Variants in LIMA1 observed in about 807,000 individuals in gnomAD.
LIMA1 encodes LIM domain and actin-binding protein 1.
LIMA1 carries 52 observed loss-of-function variants against 62.6 expected under a neutral mutation model. That is an observed-to-expected ratio of 0.83 (90% CI 0.67 to 1.05). LIMA1 has a LOEUF of 1.05. Among genes scored for constraint, LIMA1 ranks in the 50% least tolerant of loss-of-function variants. The pLI, the probability that LIMA1 is intolerant of heterozygous loss-of-function variation, is 0.00. For synonymous variants in LIMA1, 302 were observed against 317.8 expected (o/e 0.95, Z 0.53); for missense variants, 780 against 902.2 (o/e 0.86, Z 1.74).
chr12:50,178,964 A>AT (rs555323460), intron 10 of LIMA1, among the ~76,000 whole-genome samples: 1,829 of 92,220 alleles, frequency 0.02, 33 homozygotes, highest in East Asian at 0.087. Context: ...ATATATATAT[A>AT]TATTTTTTTT....
Position 50,263,857 on chromosome 12 carries a change from GTAT to G in LIMA1, c.-23-15086_-23-15084del, listed in dbSNP as rs1219368858. Among the ~76,000 whole-genome samples the G allele has an allele frequency of 2.3e-3, 295 of 125,666 alleles. 2 individuals carry two copies. The highest frequency in any genetic ancestry group is 3.3e-3 in the Admixed American group (38 of 11,632). The allele number at this position is 125,666 out of a possible 152,430, so 82.4% of individuals were successfully genotyped here. ...GAGTATATATATATATATATAGAGA[GTAT>G]ATATATATATATATATAAAGTATAT... On this transcript the variant is annotated intron_variant, in intron 1 of 10. Transcript: ENST00000341247.
intron 5 of LIMA1, among the ~76,000 whole-genome samples, 190 bp from the exon 6 acceptor site, chr12:50,204,890 G>A (rs1161332990): frequency 2.0e-5 from 3 of 151,866 alleles, no homozygotes; most frequent in Non-Finnish European, 4.4e-5. Flanking sequence ...TGGCCAACAT[G>A]TTTTATTAGA....
In LIMA1 at chr12:50,192,489, G is replaced by A. The variant is rs752660878; in HGVS notation, c.1103C>T (p.Ser368Phe). Residue 368 changes from serine (S) to phenylalanine (F), a missense_variant, in exon 9 of 11, where the codon TCC becomes TTC. Coordinates refer to ENST00000341247, the MANE Select transcript of LIMA1 (RefSeq NM_016357.5). The stretch of plus-strand genomic sequence containing the variant: ...GGGAGGAGAACTTTCAGAAAGACTG[G>A]AGGCTCTGGAATCTGGACTTAGTGG... ...PKPLSPDSRA[S>F]SLSESSPPKA... is the part of the protein sequence containing the mutation. 6.2e-7 allele frequency: 1 copy of A among 1,613,944 alleles called. No homozygotes were observed. The highest frequency in any genetic ancestry group is 1.1e-5 in the South Asian group (1 of 91,078).
chr12:50,211,624 G>A (rs1382245608), intron 4 of LIMA1, among the ~76,000 whole-genome samples: 1 of 152,100 alleles, frequency 6.6e-6, no homozygotes. Flanking sequence ...CAGCCTGGAC[G>A]ATATAACAAG....
intron 2 of LIMA1, among the ~76,000 whole-genome samples, chr12:50,240,554 G>C (rs575492804): frequency 6.6e-6 from 1 of 152,282 alleles, no homozygotes; most frequent in Admixed American, 6.5e-5. Flanking sequence ...ATGGGGAAGA[G>C]AGAATGATTC....
chr12:50,194,643 C>A (rs184710601), intron 8 of LIMA1, among the ~76,000 whole-genome samples: 1 of 151,966 alleles, frequency 6.6e-6, no homozygotes, highest in Non-Finnish European at 1.5e-5. Context: ...GGCTCACGCC[C>A]GTAATCTCAA....
At chr12:50,250,902 G>C (rs899749730) in intron 1 of LIMA1, among the ~76,000 whole-genome samples, 8 of 152,086 alleles carry the variant, frequency 5.3e-5, no homozygotes, top group Admixed American at 5.2e-4. Context: ...AGATAAAGAA[G>C]AAAAGACCCT....
At chr12:50,217,994 T>A (rs1005723270) in intron 4 of LIMA1, 1 of 147,904 alleles carries the variant, frequency 6.8e-6, no homozygotes, top group African/African-American at 2.5e-5. Context: ...AAGCTCTGCC[T>A]CCCGGGTTCA....
At chr12:50,254,674 C>G (rs1007348376) in intron 1 of LIMA1, among the ~76,000 whole-genome samples, 2 of 152,170 alleles carry the variant, frequency 1.3e-5, no homozygotes, top group African/African-American at 4.8e-5. Context: ...CTGTTGCTTA[C>G]GGTGAGGCCG....
At chr12:50,182,358 C>T (rs1289496628) in intron 9 of LIMA1, among the ~76,000 whole-genome samples, 3 of 102,350 alleles carry the variant, frequency 2.9e-5, no homozygotes, top group East Asian at 5.1e-4. Flanking sequence ...GGGAAGGGGT[C>T]GGGGGGGGGA....
intron 4 of LIMA1, among the ~76,000 whole-genome samples, chr12:50,214,258 G>C (rs1482224141): frequency 2.0e-5 from 3 of 151,856 alleles, no homozygotes; most frequent in Non-Finnish European, 4.4e-5. Context: ...ATGTAAGAAA[G>C]TGCATTGATA....
chr12:50,250,379 C>T (rs971617145), intron 1 of LIMA1, among the ~76,000 whole-genome samples: 1 of 150,274 alleles, frequency 6.7e-6, no homozygotes, highest in Admixed American at 6.7e-5. Context: ...AGCTTGAGGC[C>T]AGGAGTTTGA....
chr12:50,199,317 C>T (rs1294460963), intron 7 of LIMA1, among the ~76,000 whole-genome samples: 2 of 152,094 alleles, frequency 1.3e-5, no homozygotes, highest in African/African-American at 2.4e-5. Flanking sequence ...GGTGACAGAG[C>T]GAGACTCCAT....
chr12:50,191,108 C>CA (rs745749669), intron 9 of LIMA1, among the ~76,000 whole-genome samples: 1,773 of 45,998 alleles, frequency 0.039, 49 homozygotes, highest in African/African-American at 0.078. Flanking sequence ...GAACCTGTCT[C>CA]AAAAAAAAAA....
intron 2 of LIMA1, among the ~76,000 whole-genome samples, chr12:50,242,113 A>G (rs1941786986): frequency 6.6e-6 from 1 of 151,728 alleles, no homozygotes; most frequent in Admixed American, 6.6e-5. Flanking sequence ...TTCTAGGGCC[A>G]GAAAACAGAG....
At chr12:50,262,956 G>A (rs1329912239) in intron 1 of LIMA1, among the ~76,000 whole-genome samples, 1 of 152,170 alleles carries the variant, frequency 6.6e-6, no homozygotes, top group Non-Finnish European at 1.5e-5. Context: ...GAAAATGGCT[G>A]CTCTTTAAAA....
At chr12:50,270,460 C>T (rs1258353654) in intron 1 of LIMA1, among the ~76,000 whole-genome samples, 3 of 151,628 alleles carry the variant, frequency 2.0e-5, no homozygotes, top group African/African-American at 7.3e-5. Context: ...AATAAGTTAG[C>T]CAGGTGTGGT....
Position 50,177,896 on chromosome 12 carries a change from T to C in LIMA1, c.1448A>G (p.Asn483Ser). The change falls in exon 11 of 11, where the codon AAT (asparagine) becomes AGT (serine). Residue 483 changes from asparagine (N) to serine (S), a missense_variant. Physicochemically the swap from Asn to Ser is conservative, Grantham distance 46. Transcript: ENST00000341247. ...TGGGCTGTGAGGGGTCTCCCTTGCA[T>C]TTGCAAGCTGGGCTGGTCTCTCCAA... ...EILERPAQLA[N>S]ARETPHSPGV... is the part of the protein sequence containing the mutation. The C allele has an allele frequency of 3.7e-6, 6 of 1,613,950 alleles. No homozygotes were observed. The highest frequency in any genetic ancestry group is 5.1e-6 in the Non-Finnish European group (6 of 1,179,932).
chr12:50,204,182 G>C (rs959248281), intron 6 of LIMA1, among the ~76,000 whole-genome samples: 4 of 152,028 alleles, frequency 2.6e-5, no homozygotes, highest in African/African-American at 4.8e-5. Context: ...GCCAAAATAA[G>C]CTCTTCAGTC....
Sources: gnomAD v4.1 joint callset for allele counts (sites outside exome capture counted in the v4.1 genomes callset) on GRCh38, gnomAD v4.1.1 for gene constraint, MANE v1.5 for transcripts, NCBI Gene and HGNC (gene_info 2026-07-23, HGNC 2026-07-21) for gene names.